Variants in CERS6 observed in about 807,000 individuals in gnomAD.
The protein encoded by CERS6 is ceramide synthase 6.
A neutral mutation model predicts 56.8 loss-of-function variants in CERS6; 26 were observed. The ratio of observed to expected loss-of-function variants is 0.46; its 90% confidence interval spans 0.34 to 0.63. The LOEUF (loss-of-function observed/expected upper bound fraction) is 0.63. Ranked by LOEUF, CERS6 falls within the 30% of genes least tolerant of loss-of-function variation. The pLI, the probability that CERS6 is intolerant of heterozygous loss-of-function variation, is 0.01. For missense variants in CERS6, 415 were observed against 467.5 expected (o/e 0.89, Z 1.04); for synonymous variants, 164 against 173.3 (o/e 0.95, Z 0.42).
intron 3 of CERS6, among the ~76,000 whole-genome samples, chr2:168,614,500 G>A (rs1684268516): frequency 6.6e-6 from 1 of 152,206 alleles, no homozygotes; most frequent in African/African-American, 2.4e-5. Flanking sequence ...CTTGCCCACT[G>A]CCTGGAAACA....
chr2:168,748,831 T>TGGGGGGGGGGGGG (rs72341847), intron 8 of CERS6, among the ~76,000 whole-genome samples: 1 of 89,426 alleles, frequency 1.1e-5, no homozygotes, highest in African/African-American at 3.0e-5. Flanking sequence ...TGGTTGGGGG[T>TGGGGGGGGGGGGG]GGGGGGGGGG....
At chr2:168,622,390 T>G (rs1684493318) in intron 3 of CERS6, among the ~76,000 whole-genome samples, 1 of 152,240 alleles carries the variant, frequency 6.6e-6, no homozygotes, top group Non-Finnish European at 1.5e-5. Flanking sequence ...GCTGTATACC[T>G]TCTCTGTTCT....
chr2:168,693,232 T>C, intron 5 of CERS6, among the ~76,000 whole-genome samples: 1 of 152,146 alleles, frequency 6.6e-6, no homozygotes, highest in East Asian at 1.9e-4. Flanking sequence ...TGACAGCAAT[T>C]TCCTGTCAAC....
At chr2:168,671,240 C>G (rs936820853) in intron 4 of CERS6, among the ~76,000 whole-genome samples, 3 of 152,058 alleles carry the variant, frequency 2.0e-5, no homozygotes, top group Non-Finnish European at 4.4e-5. Flanking sequence ...GCTAGGATTA[C>G]AGACATGAGC....
At chr2:168,583,406 G>A (rs1311272988) in intron 3 of CERS6, among the ~76,000 whole-genome samples, 1 of 152,078 alleles carries the variant, frequency 6.6e-6, no homozygotes, top group Non-Finnish European at 1.5e-5. Context: ...TTTGGATAGG[G>A]GCAAAGCCTA....
chr2:168,647,204 T>G (rs889649391), intron 4 of CERS6, among the ~76,000 whole-genome samples: 3 of 152,208 alleles, frequency 2.0e-5, no homozygotes, highest in African/African-American at 7.2e-5. Context: ...CTGATTTCTT[T>G]GAGCAATGTT....
At chr2:168,520,736 A>G (rs1374146182) in intron 1 of CERS6, among the ~76,000 whole-genome samples, 4 of 146,646 alleles carry the variant, frequency 2.7e-5, no homozygotes, top group Non-Finnish European at 5.9e-5. Flanking sequence ...CAGCCTCCTT[A>G]GTAGCTGGGA....
intron 2 of CERS6, among the ~76,000 whole-genome samples, chr2:168,552,965 AAATG>A (rs1695603110): frequency 6.6e-6 from 1 of 152,238 alleles, no homozygotes; most frequent in Admixed American, 6.5e-5. Context: ...AAATTTAAAA[AAATG>A]AAGCAGTAAC....
intron 6 of CERS6, among the ~76,000 whole-genome samples, chr2:168,706,223 C>T (rs1049102091): frequency 6.6e-6 from 1 of 152,192 alleles, no homozygotes; most frequent in African/African-American, 2.4e-5. Context: ...AAATCAAGCT[C>T]CATGCTCTGG....
At position 168,695,265 on chromosome 2, in the gene CERS6, C is replaced by G. The variant is rs779646535; in HGVS notation, c.609+214C>G. Among the ~76,000 whole-genome samples, 33 of 152,096 alleles carry G rather than the reference C, an allele frequency of 2.2e-4. 1 individual carries two copies. The highest frequency in any genetic ancestry group is 4.3e-4 in the Non-Finnish European group (29 of 68,016). On this transcript the variant is annotated intron_variant, in intron 6 of 9. Coordinates refer to ENST00000305747, the MANE Select transcript of CERS6 (RefSeq NM_203463.3). Reference sequence around the variant, plus strand: ...TTCGCTCATCCCCTAAAACTCAGCTCTCTTTTCTCCATGTAATAATGTAGC... The same window carrying G: ...TTCGCTCATCCCCTAAAACTCAGCTGTCTTTTCTCCATGTAATAATGTAGC...
At chr2:168,766,400 G>C (rs1387507264) in intron 9 of CERS6, 1 of 1,474,468 alleles carries the variant, frequency 6.8e-7, no homozygotes, top group Non-Finnish European at 9.4e-7. Context: ...TTGCCTGTTG[G>C]AGGGGCACTC....
intron 3 of CERS6, among the ~76,000 whole-genome samples, chr2:168,608,265 C>T (rs1559018582): frequency 6.6e-6 from 1 of 152,156 alleles, no homozygotes; most frequent in Admixed American, 6.6e-5. Context: ...ATCCATTCAC[C>T]ATTGAGTGGG....
chr2:168,615,800 A>C (rs567592720), intron 3 of CERS6, among the ~76,000 whole-genome samples: 243 of 152,328 alleles, frequency 1.6e-3, no homozygotes, highest in African/African-American at 5.6e-3. Context: ...CATATTGGGG[A>C]GAATAATCGA....
At chr2:168,712,208 G>A (rs1302588551) in intron 6 of CERS6, among the ~76,000 whole-genome samples, 2 of 152,252 alleles carry the variant, frequency 1.3e-5, no homozygotes, top group African/African-American at 2.4e-5. Flanking sequence ...AGATTAAGTC[G>A]AATTCACAAG....
At chr2:168,602,382 G>C (rs1162376461) in intron 3 of CERS6, among the ~76,000 whole-genome samples, 1 of 152,190 alleles carries the variant, frequency 6.6e-6, no homozygotes, top group Admixed American at 6.5e-5. Flanking sequence ...AAATGTATAA[G>C]TACTTTAATG....
At chr2:168,637,460 G>A (rs1042599631) in intron 4 of CERS6, among the ~76,000 whole-genome samples, 2 of 152,082 alleles carry the variant, frequency 1.3e-5, no homozygotes, top group Non-Finnish European at 2.9e-5. Context: ...CCAGCCTGGG[G>A]CAATAGAGTG....
In CERS6 at chr2:168,487,520, T is replaced by A. The variant is rs1181498060; in HGVS notation, c.170+30902T>A. Among the ~76,000 whole-genome samples the A allele has an allele frequency of 3.9e-5, 6 of 152,222 alleles. No homozygotes were observed. In the East Asian group the frequency reaches 1.2e-3, roughly 29 times the overall value. ...CAAGGTGTAAGACTCAGTGATCCAT[T>A]TAATGCTATTGCTAATCTTTATAAG... On this transcript the variant is annotated intron_variant, in intron 1 of 9. Coordinates refer to ENST00000305747, the MANE Select transcript of CERS6 (RefSeq NM_203463.3).
chr2:168,691,796 A>T (rs1686510251), intron 5 of CERS6, among the ~76,000 whole-genome samples: 2 of 152,316 alleles, frequency 1.3e-5, no homozygotes, highest in Non-Finnish European at 1.5e-5. Flanking sequence ...CTATAACTCC[A>T]TGTTCAGTTG....
At chr2:168,691,151 C>G in intron 5 of CERS6, 67 bp downstream of exon 5, 1 of 1,460,648 alleles carries the variant, frequency 6.8e-7, no homozygotes, top group Non-Finnish European at 9.6e-7. Flanking sequence ...ATTTCATGGT[C>G]TCAGGCAGGC....
Sources: allele counts gnomAD v4.1 joint callset (sites outside exome capture counted in the v4.1 genomes callset), GRCh38; gene constraint gnomAD v4.1.1; transcripts MANE v1.5; gene names NCBI Gene and HGNC (gene_info 2026-07-23, HGNC 2026-07-21).